The following SVIL variants were observed in gnomAD, a reference collection of about 807,000 sequenced individuals.
SVIL encodes the protein archvillin.
SVIL carries 101 observed loss-of-function variants against 240.4 expected under a neutral mutation model. That is an observed-to-expected ratio of 0.42 (90% confidence interval 0.36 to 0.50). The LOEUF (loss-of-function observed/expected upper bound fraction) is 0.50, where lower values mean the gene tolerates loss of function less well. Among genes scored for constraint, SVIL ranks in the 20% least tolerant of loss-of-function variants. SVIL has a pLI of 0.01. For missense variants in SVIL, 2,512 were observed against 2,818.7 expected (o/e 0.89, Z 2.46); for synonymous variants, 999 against 1,100.0 (o/e 0.91, Z 1.82).
chr10:29,496,421 C>T lies in SVIL; in HGVS notation c.3665-1240G>A, dbSNP rs1467943492. ...CTAGAAGGATGCTTAAGAGAAGAGA[C>T]ATCAGAGGAGTTCATTAGCACAGAG... is the stretch of plus-strand genomic sequence containing the variant. On this transcript the variant is annotated intron_variant, in intron 18 of 37. Coordinates refer to ENST00000355867, the MANE Select transcript of SVIL (RefSeq NM_021738.3). 6 of 455,850 alleles carry T rather than the reference C, an allele frequency of 1.3e-5. No homozygotes were observed. In the Admixed American group the frequency reaches 1.4e-4, roughly 11 times the overall value. 28.2% of individuals were successfully genotyped at this position (455,850 alleles called of 1,614,324 possible).
At position 29,532,737 on chromosome 10, in the gene SVIL, G is replaced by A. The variant is rs776765388; in HGVS notation, c.1630C>T (p.Arg544Cys). ...NREASKKRKVRTRSLSDFTGP... is the reference protein window; with the variant it reads ...NREASKKRKVCTRSLSDFTGP... Reference sequence around the variant, plus strand: ...GTGAAATCTGACAGAGAGCGGGTACGGACCTTGCGCTTTTTCGAGGCTTCC... The same window carrying A: ...GTGAAATCTGACAGAGAGCGGGTACAGACCTTGCGCTTTTTCGAGGCTTCC... Residue 544 changes from arginine to cysteine, a missense_variant, in exon 8 of 38, where the codon CGT becomes TGT. Coordinates refer to ENST00000355867, the MANE Select transcript of SVIL (RefSeq NM_021738.3). The A allele has an allele frequency of 3.1e-6, 5 of 1,614,146 alleles. No individual in the cohort carries two copies. The highest frequency in any genetic ancestry group is 4.2e-6 in the Non-Finnish European group (5 of 1,180,026).
chr10:29,658,633 G>T (rs1959073688), intron 2 of SVIL, among the ~76,000 whole-genome samples: 1 of 152,098 alleles, frequency 6.6e-6, no homozygotes. Context: ...GTGTGCTCCT[G>T]TGCTCCCAGC....
At chr10:29,468,932 A>T (rs1038897521) in intron 32 of SVIL, 5 of 152,182 alleles carry the variant, frequency 3.3e-5, no homozygotes, top group African/African-American at 1.2e-4. Flanking sequence ...CATGAACTTC[A>T]TGAGGACAGA....
intron 1 of SVIL, among the ~76,000 whole-genome samples, chr10:29,699,872 C>G (rs1202109942): frequency 6.6e-6 from 1 of 152,170 alleles, no homozygotes; most frequent in African/African-American, 2.4e-5. Context: ...GCTGGTAACA[C>G]AGTTGGCTAC....
chr10:29,573,933 T>C (rs1267106825), intron 1 of SVIL, among the ~76,000 whole-genome samples: 2 of 152,182 alleles, frequency 1.3e-5, no homozygotes, highest in East Asian at 3.8e-4. Context: ...GGACCTCAGG[T>C]GATCCGCCCA....
At chr10:29,536,911 CAAAAAAAAAA>C (rs59133069) in intron 6 of SVIL, among the ~76,000 whole-genome samples, 4 of 89,874 alleles carry the variant, frequency 4.5e-5, no homozygotes, top group Non-Finnish European at 6.1e-5. Context: ...GACTCTGTCA[CAAAAAAAAAA>C]AAAAAAAAAA....
intron 22 of SVIL, among the ~76,000 whole-genome samples, chr10:29,489,121 T>C (rs757929309): frequency 6.6e-6 from 1 of 152,218 alleles, no homozygotes; most frequent in South Asian, 2.1e-4. Context: ...TCCAAATGTA[T>C]AGATGCCAGA....
intron 18 of SVIL, among the ~76,000 whole-genome samples, chr10:29,498,181 G>T (rs1948606703): frequency 6.6e-6 from 1 of 151,844 alleles, no homozygotes; most frequent in African/African-American, 2.4e-5. Context: ...ACTTTGGGAG[G>T]TCGAAGCGGG....
intron 2 of SVIL, among the ~76,000 whole-genome samples, chr10:29,664,705 C>CAG (rs759626606): frequency 2.6e-5 from 4 of 151,968 alleles, no homozygotes; most frequent in Non-Finnish European, 4.4e-5. Context: ...CACACACACA[C>CAG]ACATGCACAC....
intron 15 of SVIL, 88 bp from the exon 16 acceptor site, chr10:29,522,723 T>G: frequency 7.0e-7 from 1 of 1,432,638 alleles, no homozygotes; most frequent in African/African-American, 1.4e-5. Context: ...GCTCTCAGGG[T>G]TCAATCCGTG....
chr10:29,586,266 A>T (rs1250492583), intron 1 of SVIL, among the ~76,000 whole-genome samples: 1 of 152,220 alleles, frequency 6.6e-6, no homozygotes, highest in Non-Finnish European at 1.5e-5. Context: ...TATTGAGTGC[A>T]TTCAGTCTAC....
Position 29,457,410 on chromosome 10 carries a change from A to T in SVIL, c.*837T>A, listed in dbSNP as rs980814523. 3.6e-5 allele frequency: 5 copies of T among 139,194 alleles called. No individual in the cohort carries two copies. The highest frequency in any genetic ancestry group is 1.5e-4 in the Admixed American group (2 of 13,208). The allele number at this position is 139,194 out of a possible 1,614,324, so 8.6% of individuals were successfully genotyped here. On this transcript the variant is annotated 3_prime_UTR_variant, in exon 38 of 38. Transcript: ENST00000355867. ...TGGGAGTCCTATATCACAAAATGACATGTGTACTGTTTACAACCGGTATTA... is the reference window on the plus strand; with the variant it reads ...TGGGAGTCCTATATCACAAAATGACTTGTGTACTGTTTACAACCGGTATTA...
At chr10:29,702,316 G>GAA (rs9336075) in intron 1 of SVIL, among the ~76,000 whole-genome samples, 2 of 151,468 alleles carry the variant, frequency 1.3e-5, no homozygotes. Flanking sequence ...AATATTCAAA[G>GAA]AAAAAAAATC....
intron 17 of SVIL, among the ~76,000 whole-genome samples, chr10:29,500,037 A>AG (rs1948751730): frequency 6.6e-6 from 1 of 151,880 alleles, no homozygotes; most frequent in Admixed American, 6.6e-5. Context: ...ATGTGGCAGG[A>AG]GGGGAAGGGG....
intron 1 of SVIL, among the ~76,000 whole-genome samples, chr10:29,594,247 A>G (rs1956496725): frequency 6.6e-6 from 1 of 152,212 alleles, no homozygotes; most frequent in South Asian, 2.1e-4. Flanking sequence ...CATTATGTAC[A>G]TGCAAATATT....
intron 1 of SVIL, among the ~76,000 whole-genome samples, chr10:29,713,126 A>C (rs1963401234): frequency 6.6e-6 from 1 of 151,650 alleles, no homozygotes; most frequent in Non-Finnish European, 1.5e-5. Flanking sequence ...CAGTGAGCCA[A>C]GGTGGCACCA....
At position 29,493,640 on chromosome 10, in the gene SVIL, C is replaced by A. The variant is rs76339585; in HGVS notation, c.3842-249G>T. The stretch of plus-strand genomic sequence containing the variant: ...TGACCATACTGCACACACGCGCCCA[C>A]TGAACGCTTCTGAACCTGCCCTTGC... On this transcript the variant is annotated intron_variant, in intron 20 of 37. Transcript: ENST00000355867. Among the ~76,000 whole-genome samples, 24 of 152,214 alleles carry A rather than the reference C, an allele frequency of 1.6e-4. No homozygotes were observed. In the East Asian group the frequency reaches 4.7e-3, roughly 29 times the overall value.
chr10:29,557,967 A>C (rs1954091404), intron 3 of SVIL, among the ~76,000 whole-genome samples: 1 of 152,212 alleles, frequency 6.6e-6, no homozygotes, highest in Non-Finnish European at 1.5e-5. Flanking sequence ...TGAATGTCCC[A>C]GGTTCTTATA....
At chr10:29,486,979 C>T (rs1414928019) in intron 24 of SVIL, among the ~76,000 whole-genome samples, 184 bp downstream of exon 24, 1 of 152,034 alleles carries the variant, frequency 6.6e-6, no homozygotes, top group Non-Finnish European at 1.5e-5. Context: ...CCTAAAGTAT[C>T]CCATTTAAAC....
Sources: allele counts gnomAD v4.1 joint callset (sites outside exome capture counted in the v4.1 genomes callset), GRCh38; gene constraint gnomAD v4.1.1; transcripts MANE v1.5; gene names NCBI Gene and HGNC (gene_info 2026-07-23, HGNC 2026-07-21).